Variants in DUOX2 observed in about 807,000 individuals in gnomAD.
The protein encoded by DUOX2 is NADH/NADPH thyroid oxidase p138-tox.
DUOX2 carries 185 observed loss-of-function variants against 183.3 expected under a neutral mutation model. The ratio of observed to expected loss-of-function variants is 1.01; its 90% CI spans 0.90 to 1.14. The LOEUF (loss-of-function observed/expected upper bound fraction) is 1.14, where lower values mean the gene tolerates loss of function less well. Ranked by LOEUF, DUOX2 falls within the 50% of genes most tolerant of loss-of-function variation. The pLI, the probability that DUOX2 is intolerant of heterozygous loss-of-function variation, is 0.00. For missense variants in DUOX2, 1,999 were observed against 2,022.9 expected, an observed-to-expected ratio of 0.99 and a Z score of 0.23; for synonymous variants, 788 against 812.4, an observed-to-expected ratio of 0.97 and a Z score of 0.51.
chr15:45,109,394 G>T (rs1894316845), intron 11 of DUOX2, 130 bp downstream of exon 11: 2 of 756,328 alleles, frequency 2.6e-6, no homozygotes, highest in African/African-American at 1.7e-5. Flanking sequence ...TCTTCTTATG[G>T]CTCCTTGAAG....
At position 45,099,424 on chromosome 15, in the gene DUOX2, G is replaced by A; in HGVS notation, c.3474C>T (p.Ser1158=). 1.2e-6 allele frequency: 2 copies of A among 1,614,132 alleles called. No individual in the cohort carries two copies. Among genetic ancestry groups the A allele is most frequent in the Non-Finnish European group, 1.7e-6 (2 of 1,180,022 alleles). Reference sequence around the variant, plus strand: ...CGTTGGGGAATATGCAGGCCAGCAGGCTGAGTGGGCTGACTGAGAAGATGT... The same window carrying A: ...CGTTGGGGAATATGCAGGCCAGCAGACTGAGTGGGCTGACTGAGAAGATGT... The part of the protein sequence containing the change: ...NVYIFSVSPL[S]LLACIFPNVF... Residue 1158 remains serine (S), a synonymous_variant, in exon 26 of 34, where the codon AGC becomes AGT. Coordinates refer to ENST00000389039, the MANE Select transcript of DUOX2 (RefSeq NM_001363711.2).
chr15:45,104,254 C>T lies in DUOX2; in HGVS notation c.2446G>A (p.Gly816Ser). 1 of 1,614,074 alleles carries T rather than the reference C, an allele frequency of 6.2e-7. No homozygotes were observed. The highest frequency in any genetic ancestry group is 1.1e-5 in the South Asian group (1 of 91,060). The change falls in exon 19 of 34, where the codon GGC (glycine) becomes AGC (serine). Residue 816 changes from glycine (G) to serine (S), a missense_variant. Transcript: ENST00000389039. ...LSRAEFAESL[G>S]LKPQDMFVES... ...ACAAACATGTCCTGGGGCTTGAGGCCCAGGGACTCGGCAAACTCGGCCCTG... is the reference window on the plus strand; with the variant it reads ...ACAAACATGTCCTGGGGCTTGAGGCTCAGGGACTCGGCAAACTCGGCCCTG...
Position 45,098,066 on chromosome 15 carries a change from G to T in DUOX2, c.3516-8C>A, listed in dbSNP as rs375424670. The T allele has an allele frequency of 5.3e-5, 86 of 1,613,988 alleles. No homozygotes were observed. The African/African-American group carries it at 1.1e-3, about 20-fold the overall frequency. ...TTCTGGGGAAGCTTGGACCTGGGGG[G>T]CAAAGGCACCTTGAGCCTCTGACTG... is the stretch of plus-strand genomic sequence containing the variant. On this transcript the variant is annotated splice_region_variant and splice_polypyrimidine_tract_variant and intron_variant, in intron 26 of 33. Coordinates refer to ENST00000389039, the MANE Select transcript of DUOX2 (RefSeq NM_001363711.2).
intron 3 of DUOX2, 55 bp downstream of exon 3, chr15:45,112,932 C>T: frequency 6.3e-7 from 1 of 1,595,290 alleles, no homozygotes; most frequent in Non-Finnish European, 8.6e-7. Context: ...GGGCCTTTCG[C>T]GCCCCGGCCC....
intron 20 of DUOX2, 135 bp from the exon 21 acceptor site, chr15:45,102,124 C>A (rs1022536022): frequency 1.7e-5 from 20 of 1,150,836 alleles, no homozygotes; most frequent in Non-Finnish European, 2.5e-5. Flanking sequence ...AGGTGCTCAT[C>A]CAGCCTGCCG....
intron 1 of DUOX2, 142 bp downstream of exon 1, chr15:45,113,831 A>G (rs1052703127): frequency 2.1e-5 from 5 of 243,354 alleles, no homozygotes; most frequent in Non-Finnish European, 4.1e-5. Flanking sequence ...CAGGGAAGGG[A>G]AAAAGGTTAC....
chr15:45,109,100 C>T (rs1302205907), intron 11 of DUOX2, 148 bp from the exon 12 acceptor site: 1 of 1,096,788 alleles, frequency 9.1e-7, no homozygotes, highest in East Asian at 2.6e-5. Flanking sequence ...GCTGACCTTG[C>T]CTTGCTGCAA....
At chr15:45,113,166 G>A in intron 2 of DUOX2, 90 bp from the exon 3 acceptor site, 2 of 1,492,852 alleles carry the variant, frequency 1.3e-6, no homozygotes, top group Non-Finnish European at 1.8e-6. Context: ...TCCCCAGCTC[G>A]CGGAGCGCCC....
At chr15:45,102,074 T>C (rs1894098584) in intron 20 of DUOX2, 85 bp from the exon 21 acceptor site, 1 of 1,515,906 alleles carries the variant, frequency 6.6e-7, no homozygotes, top group South Asian at 1.2e-5. Context: ...CCCCAGATTA[T>C]CTAATGTGGT....
rs375229316 is a variant in DUOX2, at chr15:45,104,272, C to A, written c.2428G>T (p.Glu810Ter). The change falls in exon 19 of 34, where the codon GAG becomes TAG. Residue 810 changes from glutamate (E) to a stop codon, truncating the protein, a stop_gained. Coordinates refer to ENST00000389039, the MANE Select transcript of DUOX2 (RefSeq NM_001363711.2). LOFTEE classifies it high-confidence loss of function. Reference protein sequence around the residue: ...EALTCELSRAEFAESLGLKPQ... With the variant: ...EALTCELSRA Reference sequence around the variant, plus strand: ...TTGAGGCCCAGGGACTCGGCAAACTCGGCCCTGCTCAGCTCGCAGGTCAGG... The same window carrying A: ...TTGAGGCCCAGGGACTCGGCAAACTAGGCCCTGCTCAGCTCGCAGGTCAGG... The A allele has an allele frequency of 6.2e-7, 1 of 1,614,082 alleles. No individual in the cohort carries two copies. The highest frequency in any genetic ancestry group is 8.5e-7 in the Non-Finnish European group (1 of 1,180,012).
intron 10 of DUOX2, 41 bp downstream of exon 10, chr15:45,109,849 G>C (rs776093322): frequency 6.3e-7 from 1 of 1,584,934 alleles, no homozygotes; most frequent in African/African-American, 1.3e-5. Context: ...TGAAGAGACT[G>C]ACCTTGACCC....
Position 45,101,865 on chromosome 15 carries a change from T to G in DUOX2, c.2779A>C (p.Met927Leu), listed in dbSNP as rs755186335. The change falls in exon 21 of 34, where the codon ATG becomes CTG. Residue 927 changes from methionine (M) to leucine (L), a missense_variant. By Grantham distance (15) the Met-to-Leu change is conservative (BLOSUM62 2). Coordinates refer to ENST00000389039, the MANE Select transcript of DUOX2 (RefSeq NM_001363711.2). Reference protein sequence around the residue: ...EELTWEDFHFMLRDHDSELRF... With the variant: ...EELTWEDFHFLLRDHDSELRF... ...AGCTCGCTGTCATGGTCCCGCAGCA[T>G]GAAGTGAAAATCCTCCCATGTCAGC... 1.9e-6 allele frequency: 3 copies of G among 1,614,004 alleles called. No individual in the cohort carries two copies. Among genetic ancestry groups the G allele is most frequent in the African/African-American group, 1.3e-5 (1 of 74,902 alleles).
chr15:45,095,936 G>A lies in DUOX2; in HGVS notation c.3972C>T (p.Pro1324=), dbSNP rs1477543792. ...TGTGCAGGCTGAGTGTGTCCTCATG[G>A]GGCGCGGAGGTCAGTGTGAAGGGGT... The part of the protein sequence containing the change: ...EYHPFTLTSA[P]HEDTLSLHIR... Residue 1324 remains proline, a synonymous_variant, in exon 30 of 34, where the codon CCC becomes CCT. Coordinates refer to ENST00000389039, the MANE Select transcript of DUOX2 (RefSeq NM_001363711.2). 2 of 1,613,936 alleles carry A rather than the reference G, an allele frequency of 1.2e-6. No homozygotes were observed. The highest frequency in any genetic ancestry group is 2.2e-5 in the East Asian group (1 of 44,886).
rs1163316724 is a variant in DUOX2 at position 45,107,376 on chromosome 15, G to C, written c.1662C>G (p.Ala554=). The part of the protein sequence containing the change: ...LVAVINIDPS[A]LQPNVFVWHK... ...GCCAGACAAAGACATTGGGCTGCAG[G>C]GCACTGGGGTCAATGTTGATAACAG... The change falls in exon 14 of 34, where the codon GCC becomes GCG. Residue 554 remains alanine, a synonymous_variant. Coordinates refer to ENST00000389039, the MANE Select transcript of DUOX2 (RefSeq NM_001363711.2). 6.2e-7 allele frequency: 1 copy of C among 1,614,234 alleles called. No individual in the cohort carries two copies. The highest frequency in any genetic ancestry group is 1.1e-5 in the South Asian group (1 of 91,090).
chr15:45,104,500 G>A lies in DUOX2; in HGVS notation c.2335-135C>T. 3 of 1,223,666 alleles carry A rather than the reference G, an allele frequency of 2.5e-6. No individual in the cohort carries two copies. The South Asian group carries it at 4.3e-5, about 18-fold the overall frequency. 75.8% of individuals were successfully genotyped at this position (1,223,666 alleles called of 1,614,324 possible). A position where few individuals can be genotyped will look rare whatever the true frequency, so the allele number is the denominator to read the frequency against. The stretch of plus-strand genomic sequence containing the variant: ...ACTCTGATGGTTCTCCTGATCCTTA[G>A]ATATACTGACTGGGGCCTCTGTTGT... On this transcript the variant is annotated intron_variant, in intron 18 of 33. Transcript: ENST00000389039.
At chr15:45,095,747 CT>C in intron 30 of DUOX2, 80 bp downstream of exon 30, 1 of 1,545,354 alleles carries the variant, frequency 6.5e-7, no homozygotes, top group South Asian at 1.1e-5. Flanking sequence ...ACGGCTGGAG[CT>C]TCTAGTCTCA....
chr15:45,106,809 A>C, intron 15 of DUOX2, 23 bp downstream of exon 15: 1 of 1,598,164 alleles, frequency 6.3e-7, no homozygotes, highest in East Asian at 2.2e-5. Context: ...GCCAGTCTGC[A>C]GAGAGGCTGC....
chr15:45,098,622 A>T (rs1052981002), intron 26 of DUOX2, among the ~76,000 whole-genome samples: 1 of 152,096 alleles, frequency 6.6e-6, no homozygotes, highest in Non-Finnish European at 1.5e-5. Context: ...TCTTGAAGGC[A>T]AGAAATTTAC....
intron 2 of DUOX2, 81 bp from the exon 3 acceptor site, chr15:45,113,157 C>G: frequency 7.9e-6 from 12 of 1,513,676 alleles, no homozygotes; most frequent in Non-Finnish European, 1.1e-5. Context: ...GCCAGTCCTT[C>G]CCCAGCTCGC....
Sources: allele counts gnomAD v4.1 joint callset (sites outside exome capture counted in the v4.1 genomes callset), GRCh38; gene constraint gnomAD v4.1.1; transcripts MANE v1.5; gene names NCBI Gene and HGNC (gene_info 2026-07-23, HGNC 2026-07-21).